The following TG variants were observed in gnomAD, a reference collection of about 807,000 sequenced individuals.
TG encodes the protein thyroglobulin, also known as thyroid hormones.
TG carries 270 observed loss-of-function variants against 324.7 expected under a neutral mutation model. That is an observed-to-expected ratio of 0.83 (90% CI 0.75 to 0.92). The LOEUF (loss-of-function observed/expected upper bound fraction) is 0.92, where lower values mean the gene tolerates loss of function less well. Among genes scored for constraint, TG ranks in the 40% least tolerant of loss-of-function variants. The probability of loss-of-function intolerance (pLI) is 0.00; values close to 1 mark genes in which losing one functional copy is unlikely to be tolerated. For missense variants in TG, 3,591 were observed against 3,456.4 expected, an observed-to-expected ratio of 1.04 and a Z score of -0.98; for synonymous variants, 1,401 against 1,327.0, an observed-to-expected ratio of 1.06 and a Z score of -1.21.
chr8:133,028,319 G>A (rs1306921328), intron 40 of TG, among the ~76,000 whole-genome samples: 2 of 152,184 alleles, frequency 1.3e-5, no homozygotes, highest in African/African-American at 4.8e-5. Context: ...AAAGTTCACA[G>A]CGAGGATCAT....
intron 18 of TG, among the ~76,000 whole-genome samples, chr8:132,910,255 G>T: frequency 6.6e-6 from 1 of 152,162 alleles, no homozygotes; most frequent in East Asian, 1.9e-4. Context: ...GGCTTTCAGG[G>T]CCCTGTCTGC....
intron 26 of TG, among the ~76,000 whole-genome samples, chr8:132,943,943 A>T (rs769469433): frequency 1.1e-4 from 16 of 151,990 alleles, no homozygotes; most frequent in Admixed American, 5.9e-4. Context: ...TTAGATATTG[A>T]TAGGTCCCAC....
chr8:133,036,368 T>G (rs925966662), intron 41 of TG, among the ~76,000 whole-genome samples: 3 of 152,202 alleles, frequency 2.0e-5, no homozygotes, highest in Non-Finnish European at 4.4e-5. Context: ...CAGTGTCTAT[T>G]TAGTAGGTGT....
At chr8:132,973,010 T>C (rs958482287) in intron 34 of TG, among the ~76,000 whole-genome samples, 13 of 152,198 alleles carry the variant, frequency 8.5e-5, no homozygotes, top group African/African-American at 1.2e-4. Context: ...AATAGGCAAC[T>C]TCTTCAGTGT....
rs892117922 is a variant in TG, at chr8:132,898,925, G to T, written c.3330+15G>T. 3 of 1,607,334 alleles carry T rather than the reference G, an allele frequency of 1.9e-6. No homozygotes were observed. Among genetic ancestry groups the T allele is most frequent in the Non-Finnish European group, 2.6e-6 (3 of 1,174,724 alleles). On this transcript the variant is annotated intron_variant, in intron 14 of 47. Coordinates refer to ENST00000220616, the MANE Select transcript of TG (RefSeq NM_003235.5). ...CCTGCCTAGAAGTAAGGGTCTGGAA[G>T]CACAGGATTGGAGCCGGGACTTGTC...
rs2132258866 is a variant in TG at position 132,897,660 on chromosome 8, T to C, written c.3013T>C (p.Tyr1005His). ...TTCCCTGACTCCAGCCTTAAGCTTCTATCAGAGACGCCGCTTTTCCCCGGA... is the reference window on the plus strand; with the variant it reads ...TTCCCTGACTCCAGCCTTAAGCTTCCATCAGAGACGCCGCTTTTCCCCGGA... ...RLAAQSTLSF[Y>H]QRRRFSPDDS... is the part of the protein sequence containing the mutation. The change falls in exon 12 of 48, where the codon TAT becomes CAT. Residue 1005 changes from tyrosine (Y) to histidine (H), a missense_variant. By Grantham distance (83) the Tyr-to-His change is moderately conservative (BLOSUM62 2). Transcript: ENST00000220616. 2 of 1,614,258 alleles carry C rather than the reference T, an allele frequency of 1.2e-6. No homozygotes were observed. Among genetic ancestry groups the C allele is most frequent in the South Asian group, 1.1e-5 (1 of 91,084 alleles).
chr8:132,868,024 C>A (rs1839130289), intron 1 of TG, 91 bp from the exon 2 acceptor site: 2 of 1,170,004 alleles, frequency 1.7e-6, no homozygotes, highest in African/African-American at 1.5e-5. Flanking sequence ...TGATGATGAC[C>A]CTGGAAAAGC....
chr8:132,934,801 A>C (rs1823324576), intron 24 of TG, among the ~76,000 whole-genome samples: 1 of 152,102 alleles, frequency 6.6e-6, no homozygotes, highest in East Asian at 1.9e-4. Flanking sequence ...AATTTATCCT[A>C]CCTCATCCAC....
At chr8:133,083,168 G>C (rs186896883) in intron 41 of TG, among the ~76,000 whole-genome samples, 1 of 152,146 alleles carries the variant, frequency 6.6e-6, no homozygotes, top group Non-Finnish European at 1.5e-5. Context: ...ATTATAACCT[G>C]TAAAGCATGG....
intron 36 of TG, 34 bp from the exon 37 acceptor site, chr8:133,013,566 G>A: frequency 6.2e-7 from 1 of 1,613,450 alleles, no homozygotes; most frequent in Non-Finnish European, 8.5e-7. Flanking sequence ...CATCTCTGAG[G>A]CCCAAGCATC....
At chr8:133,126,832 G>A (rs1851559750) in intron 45 of TG, among the ~76,000 whole-genome samples, 1 of 152,030 alleles carries the variant, frequency 6.6e-6, no homozygotes, top group South Asian at 2.1e-4. Context: ...CAAAAGCCTG[G>A]GAAGCAAAGG....
At position 132,948,926 on chromosome 8, in the gene TG, A is replaced by G. The variant is rs2130089106; in HGVS notation, c.5384A>G (p.Asp1795Gly). 1 of 1,613,796 alleles carries G rather than the reference A, an allele frequency of 6.2e-7. No homozygotes were observed. The highest frequency in any genetic ancestry group is 8.5e-7 in the Non-Finnish European group (1 of 1,180,014). ...ESHQVILRLG[D>G]QEFIKSLTPL... The stretch of plus-strand genomic sequence containing the variant: ...CACCAGGTGATATTGCGTCTTGGAG[A>G]CCAGGAGTTCATCAAGAGTAAGTCT... The change falls in exon 27 of 48, where the codon GAC (aspartate) becomes GGC (glycine). Residue 1795 changes from aspartate to glycine, a missense_variant. Physicochemically the swap from Asp to Gly is moderately conservative, Grantham distance 94. Transcript: ENST00000220616.
chr8:133,133,261 C>G lies in TG; in HGVS notation c.7998-209C>G, dbSNP rs1588156112. 6.2e-6 allele frequency: 4 copies of G among 640,410 alleles called. No individual in the cohort carries two copies. In the East Asian group the frequency reaches 1.1e-4, roughly 18 times the overall value. 39.7% of individuals were successfully genotyped at this position (640,410 alleles called of 1,614,324 possible). A position where few individuals can be genotyped will look rare whatever the true frequency, so the allele number is the denominator to read the frequency against. ...CATGACCTTAACACCTTTCCTCACC[C>G]AGAAATGGCCTAGCTTTGCAGTGCT... On this transcript the variant is annotated intron_variant, in intron 46 of 47. Coordinates refer to ENST00000220616, the MANE Select transcript of TG (RefSeq NM_003235.5).
chr8:133,056,369 C>T (rs558668043), intron 41 of TG, among the ~76,000 whole-genome samples: 7 of 152,330 alleles, frequency 4.6e-5, no homozygotes, highest in South Asian at 2.1e-4. Flanking sequence ...AGATTTGACA[C>T]GGATTCACTG....
chr8:132,995,308 G>A (rs1832767827), intron 35 of TG: 1 of 984,990 alleles, frequency 1.0e-6, no homozygotes, highest in East Asian at 1.1e-4. Flanking sequence ...CATACAGCAA[G>A]TGCTTGATAA....
intron 47 of TG, 106 bp downstream of exon 47, chr8:133,133,766 AC>A: frequency 7.8e-7 from 1 of 1,284,420 alleles, no homozygotes; most frequent in Non-Finnish European, 1.1e-6. Context: ...CCAAGGGGTC[AC>A]CAGTGCCAAT....
At chr8:133,134,383 G>A (rs936401636) in intron 47 of TG, among the ~76,000 whole-genome samples, 1 of 152,172 alleles carries the variant, frequency 6.6e-6, no homozygotes, top group Non-Finnish European at 1.5e-5. Flanking sequence ...GGAGTAGTCC[G>A]TTAAACAGGG....
intron 25 of TG, among the ~76,000 whole-genome samples, chr8:132,941,016 G>T (rs886351658): frequency 2.0e-5 from 3 of 152,252 alleles, no homozygotes; most frequent in African/African-American, 7.2e-5. Context: ...CACAGGGTCT[G>T]TGTATATACT....
intron 41 of TG, chr8:133,074,939 C>T: frequency 2.0e-6 from 2 of 985,560 alleles, no homozygotes; most frequent in Non-Finnish European, 2.4e-6. Flanking sequence ...CTGTCAACTG[C>T]TGCTGCTCCA....
Sources: allele counts gnomAD v4.1 joint callset (sites outside exome capture counted in the v4.1 genomes callset), GRCh38; gene constraint gnomAD v4.1.1; transcripts MANE v1.5; gene names NCBI Gene and HGNC (gene_info 2026-07-23, HGNC 2026-07-21).